TENM3: variants seen among roughly 807,000 people sequenced by gnomAD.
TENM3 encodes teneurin-3.
A neutral mutation model predicts 255.1 loss-of-function variants in TENM3; 63 were observed. That is an observed-to-expected ratio of 0.25 (90% CI 0.20 to 0.30). The LOEUF is 0.30. Ranked by LOEUF, TENM3 falls within the 10% of genes least tolerant of loss-of-function variation. The pLI is 1.00. For synonymous variants in TENM3, 1,306 were observed against 1,322.3 expected, an observed-to-expected ratio of 0.99 and a Z score of 0.27; for missense variants, 2,929 against 3,461.1, an observed-to-expected ratio of 0.85 and a Z score of 3.86.
the TENM3 span, among the ~76,000 whole-genome samples, chr4:181,526,604 C>T: frequency 4.0e-4 from 61 of 152,156 alleles, no homozygotes; most frequent in African/African-American, 6.5e-4. Context: ...TTGCACTCTT[C>T]GAGGGCACTT....
the TENM3 span, among the ~76,000 whole-genome samples, chr4:181,510,828 TAA>T: frequency 2.0e-5 from 3 of 152,132 alleles, no homozygotes; most frequent in Admixed American, 6.5e-5. Flanking sequence ...CACTCTAGAG[TAA>T]AGTTTTGGAG....
chr4:182,392,011 T>C (rs1002328385), intron 3 of TENM3, among the ~76,000 whole-genome samples: 2 of 152,246 alleles, frequency 1.3e-5, no homozygotes, highest in Non-Finnish European at 2.9e-5. Flanking sequence ...GAATGGAATC[T>C]GACTAGATTT....
chr4:181,883,825 A>T, the TENM3 span, among the ~76,000 whole-genome samples: 2 of 152,210 alleles, frequency 1.3e-5, no homozygotes, highest in African/African-American at 4.8e-5. Context: ...GAAGTAGAAG[A>T]TTAATGGCAG....
chr4:182,583,529 C>G (rs1346525870), intron 3 of TENM3, among the ~76,000 whole-genome samples: 1 of 151,864 alleles, frequency 6.6e-6, no homozygotes, highest in African/African-American at 2.4e-5. Context: ...AAAGCCAGTA[C>G]CTAAATATGT....
chr4:182,220,079 G>A (rs1755753621), intron 1 of TENM3, among the ~76,000 whole-genome samples: 1 of 152,076 alleles, frequency 6.6e-6, no homozygotes, highest in Admixed American at 6.6e-5. Flanking sequence ...GGTGGCTTGT[G>A]AAAAGTCAGC....
intron 3 of TENM3, among the ~76,000 whole-genome samples, chr4:182,350,746 G>T (rs567642086): frequency 6.6e-6 from 1 of 152,100 alleles, no homozygotes; most frequent in South Asian, 2.1e-4. Context: ...GTGCAGTGGC[G>T]TAATCTCAGC....
the TENM3 span, among the ~76,000 whole-genome samples, chr4:181,751,676 A>G: frequency 2.0e-5 from 3 of 152,156 alleles, no homozygotes; most frequent in Non-Finnish European, 4.4e-5. Flanking sequence ...TCACACCAAG[A>G]ACCAACAGTC....
intron 24 of TENM3, among the ~76,000 whole-genome samples, chr4:182,776,367 G>A (rs138103692): frequency 7.9e-5 from 12 of 152,254 alleles, no homozygotes; most frequent in East Asian, 5.8e-4. Context: ...AGTCGAGATC[G>A]CGCCACTACA....
chr4:181,721,004 T>A, the TENM3 span, among the ~76,000 whole-genome samples: 1 of 151,966 alleles, frequency 6.6e-6, no homozygotes, highest in Non-Finnish European at 1.5e-5. Context: ...ATAGGAGAGA[T>A]GCCTGATCCA....
chr4:182,798,873 A>AAAC (rs1304556441), intron 27 of TENM3, among the ~76,000 whole-genome samples: 3 of 152,154 alleles, frequency 2.0e-5, no homozygotes, highest in Non-Finnish European at 4.4e-5. Flanking sequence ...TTCATTTGGG[A>AAAC]AACAATGGCC....
At chr4:182,738,170 A>G (rs1283304064) in intron 17 of TENM3, among the ~76,000 whole-genome samples, 4 of 152,052 alleles carry the variant, frequency 2.6e-5, no homozygotes, top group South Asian at 2.1e-4. Context: ...TGGTATGGGG[A>G]AAAAAACACT....
the TENM3 span, among the ~76,000 whole-genome samples, chr4:181,699,469 AAAAGAAAGAAAG>A: frequency 1.2e-4 from 17 of 143,816 alleles, no homozygotes; most frequent in African/African-American, 4.2e-4. Flanking sequence ...AAAAAAAAAA[AAAAGAAAGAAAG>A]AAAAAGAAAA....
chr4:182,482,407 C>T (rs2091584900), intron 3 of TENM3, among the ~76,000 whole-genome samples: 1 of 151,946 alleles, frequency 6.6e-6, no homozygotes, highest in Admixed American at 6.6e-5. Context: ...CTTTTAATAA[C>T]ATGGGCAGAA....
the TENM3 span, among the ~76,000 whole-genome samples, chr4:182,097,400 T>C: frequency 6.6e-6 from 1 of 152,140 alleles, no homozygotes; most frequent in African/African-American, 2.4e-5. Flanking sequence ...GATCAATGAA[T>C]ATTAGTCACA....
chr4:181,594,502 A>G, the TENM3 span, among the ~76,000 whole-genome samples: 2 of 152,116 alleles, frequency 1.3e-5, no homozygotes, highest in East Asian at 1.9e-4. Flanking sequence ...CCTCCTTACT[A>G]CTATCCATTG....
chr4:181,953,272 A>AT, the TENM3 span, among the ~76,000 whole-genome samples: 5 of 149,448 alleles, frequency 3.3e-5, no homozygotes, highest in African/African-American at 7.3e-5. Context: ...CACCACCACC[A>AT]CCACCATCAT....
the TENM3 span, among the ~76,000 whole-genome samples, chr4:181,514,072 AT>A: frequency 6.6e-6 from 1 of 152,212 alleles, no homozygotes; most frequent in African/African-American, 2.4e-5. Flanking sequence ...TCCATAGTAA[AT>A]AATATGTATT....
chr4:181,483,682 C>A, the TENM3 span, among the ~76,000 whole-genome samples: 1 of 152,056 alleles, frequency 6.6e-6, no homozygotes, highest in African/African-American at 2.4e-5. Context: ...GGCTTTTCTT[C>A]AGCCCAACTT....
chr4:181,987,690 A>G, the TENM3 span, among the ~76,000 whole-genome samples: 1 of 152,174 alleles, frequency 6.6e-6, no homozygotes, highest in East Asian at 1.9e-4. Context: ...GGAAAATGTC[A>G]TAGCTGAAGT....
Sources: allele counts gnomAD v4.1 joint callset (sites outside exome capture counted in the v4.1 genomes callset), GRCh38; gene constraint gnomAD v4.1.1; transcripts MANE v1.5; gene names NCBI Gene and HGNC (gene_info 2026-07-23, HGNC 2026-07-21).